FAF1: variants seen among roughly 807,000 people sequenced by gnomAD.
The protein encoded by FAF1 is Fas associated factor 1.
Under a neutral mutation model 92.5 loss-of-function variants are expected in FAF1, and 25 were observed. The observed-to-expected ratio is 0.27, with a 90% CI of 0.20 to 0.38. The LOEUF (loss-of-function observed/expected upper bound fraction) is 0.38. Ranked by LOEUF, FAF1 falls within the 10% of genes least tolerant of loss-of-function variation. FAF1 has a pLI of 1.00. For synonymous variants in FAF1, 234 were observed against 273.2 expected (o/e 0.86, Z 1.42); for missense variants, 636 against 793.3 (o/e 0.80, Z 2.38).
At chr1:50,531,579 C>A (rs960233759) in intron 15 of FAF1, among the ~76,000 whole-genome samples, 2 of 152,076 alleles carry the variant, frequency 1.3e-5, no homozygotes, top group African/African-American at 4.8e-5. Flanking sequence ...CTCATTAAAG[C>A]AAAAGATTTC....
At chr1:50,928,914 T>A (rs1217704457) in intron 1 of FAF1, among the ~76,000 whole-genome samples, 3 of 150,996 alleles carry the variant, frequency 2.0e-5, no homozygotes, top group Admixed American at 2.0e-4. Context: ...TGAAACCCCA[T>A]CTCTATTAAA....
intron 7 of FAF1, among the ~76,000 whole-genome samples, chr1:50,663,712 G>A (rs537720271): frequency 9.9e-5 from 15 of 151,448 alleles, no homozygotes; most frequent in Non-Finnish European, 5.9e-5. Context: ...CAGAAGCACC[G>A]CTTTAGAATG....
chr1:50,664,281 CCA>C (rs1655522792), intron 7 of FAF1, among the ~76,000 whole-genome samples: 1 of 148,242 alleles, frequency 6.7e-6, no homozygotes, highest in Non-Finnish European at 1.5e-5. Context: ...CAGGCATGAG[CCA>C]CTGTGCCCGG....
At chr1:50,697,407 A>G (rs1365547115) in intron 7 of FAF1, among the ~76,000 whole-genome samples, 1 of 152,206 alleles carries the variant, frequency 6.6e-6, no homozygotes, top group Non-Finnish European at 1.5e-5. Context: ...CATGATAAAT[A>G]ATATCATTAA....
At chr1:50,756,703 G>A (rs1660089506) in intron 4 of FAF1, among the ~76,000 whole-genome samples, 1 of 152,174 alleles carries the variant, frequency 6.6e-6, no homozygotes, top group Non-Finnish European at 1.5e-5. Flanking sequence ...CACATGGTTG[G>A]GGAGGCCTCA....
intron 7 of FAF1, among the ~76,000 whole-genome samples, chr1:50,670,527 T>A (rs940918736): frequency 6.6e-6 from 1 of 152,232 alleles, no homozygotes; most frequent in African/African-American, 2.4e-5. Flanking sequence ...CATGCTTCAC[T>A]TCATTCTTAT....
At chr1:50,952,256 C>T (rs972823736) in intron 1 of FAF1, among the ~76,000 whole-genome samples, 3 of 152,200 alleles carry the variant, frequency 2.0e-5, no homozygotes, top group African/African-American at 4.8e-5. Flanking sequence ...TGCAGGCGCG[C>T]GCCGCCACGC....
chr1:50,518,692 G>C (rs1282750403), intron 15 of FAF1, among the ~76,000 whole-genome samples: 1 of 151,918 alleles, frequency 6.6e-6, no homozygotes, highest in Non-Finnish European at 1.5e-5. Flanking sequence ...TGCCCACCTC[G>C]GCCTCCCACA....
chr1:50,487,813 G>A (rs1646785067), intron 17 of FAF1, among the ~76,000 whole-genome samples: 1 of 152,188 alleles, frequency 6.6e-6, no homozygotes, highest in African/African-American at 2.4e-5. Context: ...AGGATTTCCA[G>A]TTAGAAGACA....
chr1:50,740,088 T>C (rs72900998), intron 5 of FAF1, among the ~76,000 whole-genome samples: 11,584 of 152,214 alleles, frequency 0.076, 475 homozygotes, highest in East Asian at 0.095. Flanking sequence ...ACTGAGAATA[T>C]AGCATTGAAC....
chr1:50,463,488 T>C (rs764299491), intron 18 of FAF1, among the ~76,000 whole-genome samples: 26 of 152,320 alleles, frequency 1.7e-4, no homozygotes, highest in Admixed American at 3.3e-4. Flanking sequence ...GTTTTCTGTT[T>C]AGGGTAAAGA....
At chr1:50,711,667 A>G (rs1453265134) in intron 6 of FAF1, among the ~76,000 whole-genome samples, 5 of 151,842 alleles carry the variant, frequency 3.3e-5, no homozygotes, top group Admixed American at 1.3e-4. Flanking sequence ...AGGTTTTACT[A>G]TATTGGTCAG....
intron 1 of FAF1, among the ~76,000 whole-genome samples, chr1:50,902,157 G>A (rs913578676): frequency 6.6e-6 from 1 of 152,136 alleles, no homozygotes; most frequent in African/African-American, 2.4e-5. Flanking sequence ...CTGTAAACAA[G>A]ATCCTTCCAT....
intron 4 of FAF1, among the ~76,000 whole-genome samples, chr1:50,775,519 G>A (rs1169090142): frequency 6.6e-6 from 1 of 152,112 alleles, no homozygotes; most frequent in Non-Finnish European, 1.5e-5. Context: ...ATTTACATGG[G>A]ATCTTGGAAG....
At chr1:50,653,556 G>A (rs1654962075) in intron 8 of FAF1, among the ~76,000 whole-genome samples, 1 of 152,154 alleles carries the variant, frequency 6.6e-6, no homozygotes, top group Non-Finnish European at 1.5e-5. Context: ...CACCATGTTG[G>A]CCAGGCTGGT....
At chr1:50,798,957 G>A (rs534024263) in intron 3 of FAF1, among the ~76,000 whole-genome samples, 17 of 152,160 alleles carry the variant, frequency 1.1e-4, no homozygotes, top group African/African-American at 4.1e-4. Context: ...TTGGCTCACT[G>A]CAACCTTGGC....
At chr1:50,918,462 G>A (rs1644937820) in intron 1 of FAF1, among the ~76,000 whole-genome samples, 1 of 58,884 alleles carries the variant, frequency 1.7e-5, no homozygotes, top group African/African-American at 7.2e-5. Flanking sequence ...TTGTTCTTGC[G>A]ATAGTTTACT....
intron 18 of FAF1, among the ~76,000 whole-genome samples, chr1:50,453,019 A>G (rs1446664593): frequency 6.6e-6 from 1 of 152,168 alleles, no homozygotes; most frequent in Non-Finnish European, 1.5e-5. Context: ...CAAAGTTCTT[A>G]AATGACTCCT....
At chr1:50,612,840 G>T (rs1002910929) in intron 8 of FAF1, among the ~76,000 whole-genome samples, 1 of 152,188 alleles carries the variant, frequency 6.6e-6, no homozygotes, top group Non-Finnish European at 1.5e-5. Context: ...GCTCAGCCTA[G>T]CCAAGTAATT....
Sources: allele counts gnomAD v4.1 joint callset (sites outside exome capture counted in the v4.1 genomes callset), GRCh38; gene constraint gnomAD v4.1.1; transcripts MANE v1.5; gene names NCBI Gene and HGNC (gene_info 2026-07-23, HGNC 2026-07-21).